UMPS: variants seen among roughly 807,000 people sequenced by gnomAD.
UMPS encodes the protein uridine monophosphate synthetase.
A neutral mutation model predicts 38.9 loss-of-function variants in UMPS; 21 were observed. The ratio of observed to expected loss-of-function variants is 0.54; its 90% CI spans 0.38 to 0.78. The LOEUF (loss-of-function observed/expected upper bound fraction) is 0.78, where lower values mean the gene tolerates loss of function less well. Ranked by LOEUF, UMPS falls within the 30% of genes least tolerant of loss-of-function variation. The probability of loss-of-function intolerance (pLI) is 0.00; values close to 1 mark genes in which losing one functional copy is unlikely to be tolerated. For missense variants in UMPS, 533 were observed against 591.6 expected, an observed-to-expected ratio of 0.90 and a Z score of 1.03; for synonymous variants, 208 against 219.3, an observed-to-expected ratio of 0.95 and a Z score of 0.45.
Position 124,748,767 on chromosome 3 carries a change from G to A in UMPS, c.*4683G>A, listed in dbSNP as rs1451153408. 9.7e-6 allele frequency: 4 copies of A among 414,422 alleles called. No individual in the cohort carries two copies. The highest frequency in any genetic ancestry group is 7.0e-5 in the East Asian group (1 of 14,232). The allele number at this position is 414,422 out of a possible 1,614,324, so 25.7% of individuals were successfully genotyped here. A position where few individuals can be genotyped will look rare whatever the true frequency, so the allele number is the denominator to read the frequency against. ...ATCCAGAGATCCCTCGCCCCAGCTC[G>A]GCCATGTGTGTCTGGGACAGAGCCT... On this transcript the variant is annotated 3_prime_UTR_variant, in exon 6 of 6. Transcript: ENST00000232607.
chr3:124,739,934 A>C, intron 3 of UMPS, 90 bp from the exon 4 acceptor site: 1 of 1,249,134 alleles, frequency 8.0e-7, no homozygotes, highest in Non-Finnish European at 1.2e-6. Context: ...TTACTGGGAG[A>C]TTATTTCATA....
rs748828992 is a variant in UMPS at position 124,748,749 on chromosome 3, G to T, written c.*4665G>T. ...GCCCAGGAGAGCAGGAAGATCCAGA[G>T]ATCCCTCGCCCCAGCTCGGCCATGT... On this transcript the variant is annotated 3_prime_UTR_variant, in exon 6 of 6. Transcript: ENST00000232607. The T allele has an allele frequency of 1.6e-5, 7 of 427,238 alleles. No individual in the cohort carries two copies. The highest frequency in any genetic ancestry group is 1.2e-4 in the South Asian group (7 of 58,770). The allele number at this position is 427,238 out of a possible 1,614,324, so 26.5% of individuals were successfully genotyped here. A position where few individuals can be genotyped will look rare whatever the true frequency, so the allele number is the denominator to read the frequency against.
intron 1 of UMPS, 83 bp downstream of exon 1, chr3:124,730,710 C>G: frequency 6.6e-7 from 1 of 1,518,906 alleles, no homozygotes; most frequent in East Asian, 2.3e-5. Context: ...GGAGTTGGGC[C>G]GTGAGTGAGA....
At chr3:124,741,161 A>G (rs774607654) in intron 4 of UMPS, among the ~76,000 whole-genome samples, 12 of 152,182 alleles carry the variant, frequency 7.9e-5, no homozygotes, top group Non-Finnish European at 1.6e-4. Context: ...CCAAGTCTCA[A>G]AATCACAGGG....
rs72968776 is a variant in UMPS at position 124,741,770 on chromosome 3, G to A, written c.1159-382G>A. Among the ~76,000 whole-genome samples, 464 of 152,246 alleles carry A rather than the reference G, an allele frequency of 3.0e-3. 1 individual carries two copies. Among genetic ancestry groups the A allele is most frequent in the African/African-American group, 0.011 (442 of 41,542 alleles). ...TTCTGCTTTACGTATGGTTTATTGC[G>A]GGAAGGGAAGGGAAAGGGTCATCTC... On this transcript the variant is annotated intron_variant, in intron 4 of 5. Coordinates refer to ENST00000232607, the MANE Select transcript of UMPS (RefSeq NM_000373.4).
chr3:124,746,393 T>C lies in UMPS; in HGVS notation c.*2309T>C, dbSNP rs1226491898. The C allele has an allele frequency of 2.2e-6, 1 of 454,134 alleles. No homozygotes were observed. The highest frequency in any genetic ancestry group is 1.6e-5 in the South Asian group (1 of 64,474). The allele number at this position is 454,134 out of a possible 1,614,324, so 28.1% of individuals were successfully genotyped here. On this transcript the variant is annotated 3_prime_UTR_variant, in exon 6 of 6. Coordinates refer to ENST00000232607, the MANE Select transcript of UMPS (RefSeq NM_000373.4). ...TGCCTCAAGTGATCTGTTTCTGATTTGTATTTCTATTGTGAAGAGTCAGCC... is the reference window on the plus strand; with the variant it reads ...TGCCTCAAGTGATCTGTTTCTGATTCGTATTTCTATTGTGAAGAGTCAGCC...
intron 3 of UMPS, chr3:124,738,489 G>T: frequency 2.1e-6 from 1 of 472,894 alleles, no homozygotes; most frequent in East Asian, 4.1e-5. Flanking sequence ...ACTCTAGCTT[G>T]GGATGTAGAA....
intron 2 of UMPS, among the ~76,000 whole-genome samples, chr3:124,736,701 A>G (rs1357815572): frequency 2.0e-5 from 3 of 152,224 alleles, no homozygotes; most frequent in African/African-American, 4.8e-5. Context: ...CTATGAAATT[A>G]TGCATTTTTA....
In UMPS at chr3:124,739,895, T is replaced by C. The variant is rs551766305; in HGVS notation, c.983-129T>C. 2.1e-5 allele frequency: 19 copies of C among 904,672 alleles called. No individual in the cohort carries two copies. The South Asian group carries it at 2.7e-4, about 13-fold the overall frequency. 56.0% of individuals were successfully genotyped at this position (904,672 alleles called of 1,614,324 possible). On this transcript the variant is annotated intron_variant, in intron 3 of 5. Transcript: ENST00000232607. ...GTCTGCTGATAATCACTAAAGTTCC[T>C]GAAGAGTTTTGATTCTCTCATTAAC...
At chr3:124,731,101 G>A (rs950529151) in intron 1 of UMPS, among the ~76,000 whole-genome samples, 1 of 152,034 alleles carries the variant, frequency 6.6e-6, no homozygotes, top group African/African-American at 2.4e-5. Flanking sequence ...GCACGCCTGG[G>A]ACGCTGAGGT....
chr3:124,731,180 T>C (rs578249681), intron 1 of UMPS, among the ~76,000 whole-genome samples: 1 of 151,922 alleles, frequency 6.6e-6, no homozygotes, highest in African/African-American at 2.4e-5. Context: ...CACTCCAGCC[T>C]GGGCGACAAG....
Position 124,730,517 on chromosome 3 carries a change from T to C in UMPS, c.46T>C (p.Tyr16His). Residue 16 changes from tyrosine to histidine, a missense_variant, in exon 1 of 6, where the codon TAC (tyrosine) becomes CAC (histidine). Coordinates refer to ENST00000232607, the MANE Select transcript of UMPS (RefSeq NM_000373.4). ...AALGPLVTGL[Y>H]DVQAFKFGDF... The stretch of plus-strand genomic sequence containing the variant: ...TTTGGGGCCATTGGTGACGGGTCTG[T>C]ACGACGTGCAGGCTTTCAAGTTTGG... 2 of 1,614,172 alleles carry C rather than the reference T, an allele frequency of 1.2e-6. No individual in the cohort carries two copies. Among genetic ancestry groups the C allele is most frequent in the Non-Finnish European group, 8.5e-7 (1 of 1,180,008 alleles).
At position 124,747,555 on chromosome 3, in the gene UMPS, C is replaced by G. The variant is rs914240828; in HGVS notation, c.*3471C>G. On this transcript the variant is annotated 3_prime_UTR_variant, in exon 6 of 6. Coordinates refer to ENST00000232607, the MANE Select transcript of UMPS (RefSeq NM_000373.4). Reference sequence around the variant, plus strand: ...TTCTGAAGAGCAAGAGAAAGTAGAGCAGAGCCTACTCCAGCCTCCCCCGTC... The same window carrying G: ...TTCTGAAGAGCAAGAGAAAGTAGAGGAGAGCCTACTCCAGCCTCCCCCGTC... 1 of 453,866 alleles carries G rather than the reference C, an allele frequency of 2.2e-6. No individual in the cohort carries two copies. The highest frequency in any genetic ancestry group is 2.0e-5 in the African/African-American group (1 of 50,014). 28.1% of individuals were successfully genotyped at this position (453,866 alleles called of 1,614,324 possible).
chr3:124,748,203 T>C lies in UMPS; in HGVS notation c.*4119T>C, dbSNP rs747201281. 5.3e-5 allele frequency: 24 copies of C among 453,452 alleles called. No homozygotes were observed. The highest frequency in any genetic ancestry group is 8.8e-5 in the Non-Finnish European group (20 of 226,698). The allele number at this position is 453,452 out of a possible 1,614,324, so 28.1% of individuals were successfully genotyped here. A position where few individuals can be genotyped will look rare whatever the true frequency, so the allele number is the denominator to read the frequency against. On this transcript the variant is annotated 3_prime_UTR_variant, in exon 6 of 6. Transcript: ENST00000232607. ...CCTTGGCTTCCCAAAGTGCTAGGAT[T>C]ACAGGTGTGAGCCACTGCTCCCGGC...
chr3:124,744,892 A>AT lies in UMPS; in HGVS notation c.*810dup, dbSNP rs759823085. ...ACATGGGCTGGTTCCCAGAACTGCC[A>AT]TTGCTCACTCTCCAAAGAGGGGAAG... On this transcript the variant is annotated 3_prime_UTR_variant, in exon 6 of 6. Transcript: ENST00000232607. The AT allele has an allele frequency of 8.6e-5, 39 of 453,970 alleles. No homozygotes were observed. Among genetic ancestry groups the AT allele is most frequent in the Non-Finnish European group, 1.7e-4 (38 of 226,794 alleles). 28.1% of individuals were successfully genotyped at this position (453,970 alleles called of 1,614,324 possible). A position where few individuals can be genotyped will look rare whatever the true frequency, so the allele number is the denominator to read the frequency against.
intron 1 of UMPS, among the ~76,000 whole-genome samples, chr3:124,734,649 A>G (rs1403273252): frequency 1.3e-5 from 2 of 152,112 alleles, no homozygotes; most frequent in Non-Finnish European, 2.9e-5. Flanking sequence ...TTTTTCTCCA[A>G]TCAAGTTTGA....
intron 5 of UMPS, among the ~76,000 whole-genome samples, chr3:124,743,640 A>AT (rs2063572784): frequency 6.8e-6 from 1 of 146,624 alleles, no homozygotes; most frequent in African/African-American, 2.5e-5. Context: ...TCCGTCTCAA[A>AT]AAAATAAATA....
Position 124,746,381 on chromosome 3 carries a change from C to G in UMPS, c.*2297C>G, listed in dbSNP as rs147259857. ...ATTTCTAATGGGTGCCTCAAGTGAT[C>G]TGTTTCTGATTTGTATTTCTATTGT... On this transcript the variant is annotated 3_prime_UTR_variant, in exon 6 of 6. Coordinates refer to ENST00000232607, the MANE Select transcript of UMPS (RefSeq NM_000373.4). The G allele has an allele frequency of 2.0e-5, 9 of 454,116 alleles. No individual in the cohort carries two copies. The East Asian group carries it at 5.6e-4, about 28-fold the overall frequency. 28.1% of individuals were successfully genotyped at this position (454,116 alleles called of 1,614,324 possible).
In UMPS at chr3:124,730,459, G is replaced by T. The variant is rs1413607439; in HGVS notation, c.-13G>T. ...GCGCCTGGGAATTTGAAGCAAACAG[G>T]CAGCGCGCGACAATGGCGGTCGCTC... On this transcript the variant is annotated 5_prime_UTR_variant, in exon 1 of 6. Coordinates refer to ENST00000232607, the MANE Select transcript of UMPS (RefSeq NM_000373.4). 3.1e-6 allele frequency: 5 copies of T among 1,613,814 alleles called. No individual in the cohort carries two copies. The highest frequency in any genetic ancestry group is 1.7e-4 in the Middle Eastern group (1 of 6,002).
Sources: allele counts gnomAD v4.1 joint callset (sites outside exome capture counted in the v4.1 genomes callset), GRCh38; gene constraint gnomAD v4.1.1; transcripts MANE v1.5; gene names NCBI Gene and HGNC (gene_info 2026-07-23, HGNC 2026-07-21).